Variants in MED12L observed in about 807,000 individuals in gnomAD.
The protein encoded by MED12L is mediator of RNA polymerase II transcription subunit 12-like protein.
Under a neutral mutation model 281.3 loss-of-function variants are expected in MED12L, and 60 were observed. That is an observed-to-expected ratio of 0.21 (90% CI 0.17 to 0.26). The LOEUF (loss-of-function observed/expected upper bound fraction) is 0.26. Ranked by LOEUF, MED12L falls within the 10% of genes least tolerant of loss-of-function variation. MED12L has a pLI of 1.00. For synonymous variants in MED12L, 974 were observed against 987.2 expected (o/e 0.99, Z 0.25); for missense variants, 2,146 against 2,680.9 (o/e 0.80, Z 4.41).
At chr3:151,311,853 T>A (rs1423868101) in intron 16 of MED12L, among the ~76,000 whole-genome samples, 2 of 152,134 alleles carry the variant, frequency 1.3e-5, no homozygotes, top group Admixed American at 1.3e-4. Context: ...GGTGAAACCC[T>A]GTCTCTACTA....
At chr3:151,133,971 CTAA>C (rs1399853912) in intron 5 of MED12L, among the ~76,000 whole-genome samples, 1 of 152,178 alleles carries the variant, frequency 6.6e-6, no homozygotes, top group Non-Finnish European at 1.5e-5. Context: ...GCTGAATCAA[CTAA>C]TAATAACTAC....
intron 16 of MED12L, among the ~76,000 whole-genome samples, chr3:151,334,174 T>C (rs1038654959): frequency 6.7e-6 from 1 of 148,668 alleles, no homozygotes; most frequent in Non-Finnish European, 1.5e-5. Context: ...GGTGATGTTA[T>C]GTGTTTTTTC....
intron 16 of MED12L, among the ~76,000 whole-genome samples, chr3:151,321,284 C>A (rs1156486101): frequency 1.3e-5 from 2 of 151,982 alleles, no homozygotes; most frequent in African/African-American, 4.8e-5. Context: ...TCCAGACTAT[C>A]TGAAATTGTG....
intron 2 of MED12L, among the ~76,000 whole-genome samples, chr3:151,098,633 C>G (rs932896724): frequency 1.3e-5 from 2 of 152,142 alleles, no homozygotes; most frequent in African/African-American, 2.4e-5. Context: ...TATAAGGACA[C>G]TTGTCATTGG....
At chr3:151,244,435 A>G (rs994026759) in intron 16 of MED12L, among the ~76,000 whole-genome samples, 1 of 140,684 alleles carries the variant, frequency 7.1e-6, no homozygotes, top group Non-Finnish European at 1.6e-5. Context: ...CCACAGTGCA[A>G]TCAAACTAGA....
intron 16 of MED12L, among the ~76,000 whole-genome samples, chr3:151,349,757 A>T (rs1328287849): frequency 6.6e-6 from 1 of 152,192 alleles, no homozygotes; most frequent in African/African-American, 2.4e-5. Context: ...ACCATGTTCA[A>T]TTTTAAACAA....
chr3:151,190,057 A>G (rs1723768494), intron 13 of MED12L, among the ~76,000 whole-genome samples: 1 of 152,184 alleles, frequency 6.6e-6, no homozygotes, highest in South Asian at 2.1e-4. Flanking sequence ...AAAAGCAGTC[A>G]TGAACTGTTT....
intron 27 of MED12L, among the ~76,000 whole-genome samples, chr3:151,374,899 C>T (rs1756639179): frequency 6.6e-6 from 1 of 151,978 alleles, no homozygotes; most frequent in South Asian, 2.1e-4. Flanking sequence ...TTGGTTTATT[C>T]TCCCTCCCAT....
intron 2 of MED12L, among the ~76,000 whole-genome samples, chr3:151,103,665 G>A (rs1721655405): frequency 6.6e-6 from 1 of 152,194 alleles, no homozygotes; most frequent in East Asian, 1.9e-4. Flanking sequence ...CAGTTACTGT[G>A]TTGATTGTAT....
chr3:151,124,880 C>T (rs1015041511), intron 4 of MED12L, among the ~76,000 whole-genome samples: 23 of 152,214 alleles, frequency 1.5e-4, no homozygotes, highest in African/African-American at 5.1e-4. Context: ...CTCACCTGTT[C>T]CCTTCAGGTG....
At chr3:151,287,629 C>T (rs995572667) in intron 16 of MED12L, among the ~76,000 whole-genome samples, 2 of 152,300 alleles carry the variant, frequency 1.3e-5, no homozygotes, top group African/African-American at 4.8e-5. Flanking sequence ...GATCACTTCA[C>T]TTCCTAGCTA....
chr3:151,161,395 G>T (rs1719962003), intron 8 of MED12L, among the ~76,000 whole-genome samples: 1 of 152,152 alleles, frequency 6.6e-6, no homozygotes, highest in African/African-American at 2.4e-5. Context: ...ACCCAAGAGG[G>T]AGTGAGGTTG....
intron 16 of MED12L, among the ~76,000 whole-genome samples, chr3:151,208,182 C>A (rs1726625174): frequency 1.3e-5 from 2 of 152,118 alleles, no homozygotes; most frequent in African/African-American, 4.8e-5. Flanking sequence ...CTTGGCCATG[C>A]CAATTTTTTT....
chr3:151,158,322 A>G (rs1719546647), intron 6 of MED12L, among the ~76,000 whole-genome samples: 1 of 152,146 alleles, frequency 6.6e-6, no homozygotes, highest in African/African-American at 2.4e-5. Flanking sequence ...TGATGGCATG[A>G]GCAGTGCTTA....
Position 151,193,510 on chromosome 3 carries a change from A to G in MED12L, c.2094A>G (p.Gly698=). Residue 698 remains glycine, a synonymous_variant, in exon 16 of 45, where the codon GGA becomes GGG. Transcript: ENST00000687756. ...CTTAGATTTTTTCTCCTATGCCTGG[A>G]GAATCCTGTGAGAATGCCAACACTT... ...SEFPIFSPMP[G]ESCENANTSL... is the part of the protein sequence containing the mutation. 6.2e-7 allele frequency: 1 copy of G among 1,613,488 alleles called. No individual in the cohort carries two copies. Among genetic ancestry groups the G allele is most frequent in the Non-Finnish European group, 8.5e-7 (1 of 1,179,722 alleles).
intron 20 of MED12L, among the ~76,000 whole-genome samples, chr3:151,358,476 T>G (rs1447896525): frequency 6.6e-6 from 1 of 152,182 alleles, no homozygotes; most frequent in African/African-American, 2.4e-5. Flanking sequence ...AGCTTATTCA[T>G]GCTGTTTAAT....
intron 16 of MED12L, among the ~76,000 whole-genome samples, chr3:151,217,813 T>A (rs1728536189): frequency 6.6e-6 from 1 of 152,102 alleles, no homozygotes; most frequent in African/African-American, 2.4e-5. Flanking sequence ...GGGTTAATGG[T>A]GAGAACATAC....
At chr3:151,154,534 C>T (rs1012645847) in intron 5 of MED12L, among the ~76,000 whole-genome samples, 1 of 151,996 alleles carries the variant, frequency 6.6e-6, no homozygotes, top group Non-Finnish European at 1.5e-5. Flanking sequence ...AGGAGATATA[C>T]CCTAGACAAA....
chr3:151,325,975 A>C (rs1749544757), intron 16 of MED12L, among the ~76,000 whole-genome samples: 1 of 152,206 alleles, frequency 6.6e-6, no homozygotes, highest in Non-Finnish European at 1.5e-5. Flanking sequence ...TATCAGAGAG[A>C]ATGAAGATCA....
Sources: allele counts gnomAD v4.1 joint callset (sites outside exome capture counted in the v4.1 genomes callset), GRCh38; gene constraint gnomAD v4.1.1; transcripts MANE v1.5; gene names NCBI Gene and HGNC (gene_info 2026-07-23, HGNC 2026-07-21).